The following ERAP2 variants were observed in gnomAD, a reference collection of about 807,000 sequenced individuals.
The protein encoded by ERAP2 is endoplasmic reticulum aminopeptidase 2.
Under a neutral mutation model 111.1 loss-of-function variants are expected in ERAP2, and 118 were observed. The ratio of observed to expected loss-of-function variants is 1.06; its 90% confidence interval spans 0.92 to 1.24. The LOEUF (loss-of-function observed/expected upper bound fraction) is 1.24. ERAP2 is among the 50% of genes most tolerant of loss of function. The probability of loss-of-function intolerance (pLI) is 0.00; values close to 1 mark genes in which losing one functional copy is unlikely to be tolerated. For missense variants in ERAP2, 1,131 were observed against 1,125.8 expected, an observed-to-expected ratio of 1.00 and a Z score of -0.07; for synonymous variants, 410 against 401.2, an observed-to-expected ratio of 1.02 and a Z score of -0.26.
At chr5:96,911,338 C>A (rs1786715811) in intron 15 of ERAP2, among the ~76,000 whole-genome samples, 1 of 152,238 alleles carries the variant, frequency 6.6e-6, no homozygotes, top group Admixed American at 6.5e-5. Flanking sequence ...TCTGAGACAT[C>A]AATAACAGTT....
At chr5:96,907,896 T>G (rs938474545) in intron 13 of ERAP2, among the ~76,000 whole-genome samples, 1 of 144,614 alleles carries the variant, frequency 6.9e-6, no homozygotes, top group Non-Finnish European at 1.5e-5. Flanking sequence ...AAAAAAAAAA[T>G]ATATATATAT....
chr5:96,877,651 G>A (rs532025389), intron 1 of ERAP2, among the ~76,000 whole-genome samples: 45 of 152,332 alleles, frequency 3.0e-4, no homozygotes, highest in Middle Eastern at 3.4e-3. Flanking sequence ...CCATGATCAC[G>A]TAGGTGAGGT....
chr5:96,907,753 C>G (rs1018073923), intron 13 of ERAP2, among the ~76,000 whole-genome samples: 7 of 151,922 alleles, frequency 4.6e-5, no homozygotes, highest in African/African-American at 1.7e-4. Context: ...CATGGTGGCA[C>G]ATGGCTATAA....
At chr5:96,884,953 T>C (rs1783574942) in intron 3 of ERAP2, among the ~76,000 whole-genome samples, 2 of 94,610 alleles carry the variant, frequency 2.1e-5, no homozygotes, top group Admixed American at 2.4e-4. Context: ...GCAGTCAGTG[T>C]TTTGTACTTG....
rs575169329 is a variant in ERAP2 at position 96,912,758 on chromosome 5, T to C, written c.2476T>C (p.Tyr826His). ...MSSAEQNKIL[Y>H]ALSTSKHQEK... ...AAGTGCTGAACAAAACAAAATTCTG[T>C]ATGCTTTGTCAACGAGCAAGCATCA... The change falls in exon 16 of 19, where the codon TAT (tyrosine) becomes CAT (histidine). Residue 826 changes from tyrosine to histidine, a missense_variant. Physicochemically the swap from Tyr to His is moderately conservative, Grantham distance 83. Transcript: ENST00000437043. The C allele has an allele frequency of 6.9e-6, 11 of 1,601,644 alleles. No homozygotes were observed. The highest frequency in any genetic ancestry group is 2.3e-5 in the East Asian group (1 of 44,322).
At chr5:96,887,847 C>T (rs773516631) in intron 4 of ERAP2, among the ~76,000 whole-genome samples, 3 of 152,034 alleles carry the variant, frequency 2.0e-5, no homozygotes, top group Non-Finnish European at 2.9e-5. Flanking sequence ...GGGCATAGGC[C>T]GGGCACAGTG....
chr5:96,914,607 C>G (rs1226953983), intron 17 of ERAP2, among the ~76,000 whole-genome samples: 1 of 152,234 alleles, frequency 6.6e-6, no homozygotes, highest in Non-Finnish European at 1.5e-5. Context: ...CCCTGCCCAA[C>G]CATGTGCAGA....
intron 12 of ERAP2, 53 bp from the exon 13 acceptor site, chr5:96,903,324 T>A: frequency 1.4e-6 from 2 of 1,389,310 alleles, no homozygotes; most frequent in Non-Finnish European, 2.0e-6. Context: ...TCTGGAGATG[T>A]TCTGAATAAG....
intron 17 of ERAP2, among the ~76,000 whole-genome samples, chr5:96,915,311 T>C (rs1183486406): frequency 6.6e-6 from 1 of 152,166 alleles, no homozygotes; most frequent in Non-Finnish European, 1.5e-5. Context: ...GCCCAGCCCA[T>C]ATAATTTATA....
chr5:96,899,339 T>C (rs1785204810), intron 9 of ERAP2, among the ~76,000 whole-genome samples: 1 of 152,196 alleles, frequency 6.6e-6, no homozygotes, highest in African/African-American at 2.4e-5. Flanking sequence ...AACTCTCTTC[T>C]GACACCAAAG....
chr5:96,880,361 C>A (rs1290523334), intron 2 of ERAP2, 101 bp downstream of exon 2: 3 of 1,066,976 alleles, frequency 2.8e-6, no homozygotes, highest in African/African-American at 1.6e-5. Flanking sequence ...TATGAGAAAT[C>A]CAGTGAACTA....
chr5:96,896,342 A>G (rs1162135925), intron 7 of ERAP2, 31 bp from the exon 8 acceptor site: 2 of 1,575,458 alleles, frequency 1.3e-6, no homozygotes, highest in East Asian at 2.2e-5. Context: ...TCAAATAGAA[A>G]CTAAAACTAA....
chr5:96,888,351 C>T (rs570743138), intron 4 of ERAP2, among the ~76,000 whole-genome samples: 2 of 152,200 alleles, frequency 1.3e-5, no homozygotes, highest in African/African-American at 4.8e-5. Context: ...TCCTGTCAGC[C>T]TCTTTGGATT....
At chr5:96,911,489 C>CA (rs1437797484) in intron 15 of ERAP2, among the ~76,000 whole-genome samples, 1 of 152,104 alleles carries the variant, frequency 6.6e-6, no homozygotes, top group Non-Finnish European at 1.5e-5. Context: ...TGCATCTTAA[C>CA]AGTTTTAAAA....
chr5:96,913,688 A>G (rs1166638785), intron 17 of ERAP2, among the ~76,000 whole-genome samples: 1 of 152,226 alleles, frequency 6.6e-6, no homozygotes, highest in African/African-American at 2.4e-5. Context: ...AGTCCAGGCA[A>G]GAAACCACTG....
At chr5:96,889,831 T>C (rs939304012) in intron 5 of ERAP2, among the ~76,000 whole-genome samples, 25 of 148,758 alleles carry the variant, frequency 1.7e-4, no homozygotes, top group African/African-American at 6.2e-4. Flanking sequence ...AAAAAATACA[T>C]ACACACACAC....
intron 13 of ERAP2, 67 bp downstream of exon 13, chr5:96,903,627 A>G (rs1785724701): frequency 1.4e-6 from 2 of 1,388,954 alleles, no homozygotes; most frequent in Non-Finnish European, 2.0e-6. Flanking sequence ...CTAGACTTCA[A>G]TATTGAATGT....
chr5:96,906,167 C>G (rs1022894694), intron 13 of ERAP2, among the ~76,000 whole-genome samples: 1 of 139,500 alleles, frequency 7.2e-6, no homozygotes, highest in Non-Finnish European at 1.5e-5. Flanking sequence ...TTCTCTTAAC[C>G]ACGACACGAC....
At chr5:96,906,347 G>T (rs1786082382) in intron 13 of ERAP2, among the ~76,000 whole-genome samples, 2 of 152,028 alleles carry the variant, frequency 1.3e-5, no homozygotes, top group African/African-American at 4.8e-5. Flanking sequence ...GCTCACTGCA[G>T]CCTCAACCTC....
Sources: gnomAD v4.1 joint callset for allele counts (sites outside exome capture counted in the v4.1 genomes callset) on GRCh38, gnomAD v4.1.1 for gene constraint, MANE v1.5 for transcripts, NCBI Gene and HGNC (gene_info 2026-07-23, HGNC 2026-07-21) for gene names.